The following NLRC5 variants were observed in gnomAD, a reference collection of about 807,000 sequenced individuals.
NLRC5 encodes the protein protein NLRC5.
A neutral mutation model predicts 206.9 loss-of-function variants in NLRC5; 114 were observed. The ratio of observed to expected loss-of-function variants is 0.55; its 90% CI spans 0.47 to 0.64. NLRC5 has a LOEUF of 0.64. Ranked by LOEUF, NLRC5 falls within the 30% of genes least tolerant of loss-of-function variation. NLRC5 has a pLI of 0.00. For missense variants in NLRC5, 2,008 were observed against 2,305.5 expected (o/e 0.87, Z 2.64); for synonymous variants, 952 against 962.8 (o/e 0.99, Z 0.21).
chr16:57,054,346 C>CT (rs2065312140), intron 24 of NLRC5, among the ~76,000 whole-genome samples: 2 of 152,176 alleles, frequency 1.3e-5, no homozygotes, highest in Non-Finnish European at 2.9e-5. Context: ...GCTTCCCACT[C>CT]TCTGTGAGCA....
At chr16:57,059,215 G>A (rs1479986033) in intron 29 of NLRC5, 154 bp downstream of exon 29, 32 of 1,514,714 alleles carry the variant, frequency 2.1e-5, no homozygotes, top group African/African-American at 2.8e-5. Flanking sequence ...GGGTTTCCTG[G>A]GCATGGGATC....
At position 57,026,659 on chromosome 16, in the gene NLRC5, C is replaced by T. The variant is rs758881156; in HGVS notation, c.1716C>T (p.Thr572=). The change falls in exon 6 of 49, where the codon ACC becomes ACT. Residue 572 remains threonine, a synonymous_variant. Coordinates refer to ENST00000688547, the MANE Select transcript of NLRC5 (RefSeq NM_001384950.1). ...TCCTGGCGGGCCTGGCATCCTGCAC[C>T]TGCCGCCCCTTCCTTAGCCACCTGG... is the stretch of plus-strand genomic sequence containing the variant. The part of the protein sequence containing the change: ...PTFLAGLASC[T]CRPFLSHLAQ... The T allele has an allele frequency of 6.2e-7, 1 of 1,614,192 alleles. No individual in the cohort carries two copies. The highest frequency in any genetic ancestry group is 8.5e-7 in the Non-Finnish European group (1 of 1,180,022).
intron 1 of NLRC5, among the ~76,000 whole-genome samples, chr16:56,991,294 GC>G (rs1165451878): frequency 6.6e-6 from 1 of 151,938 alleles, no homozygotes; most frequent in Non-Finnish European, 1.5e-5. Flanking sequence ...GGCCGGGTCA[GC>G]CTCCTCAGAC....
At chr16:57,082,184 T>C (rs144971093) in intron 48 of NLRC5, among the ~76,000 whole-genome samples, 11 of 152,278 alleles carry the variant, frequency 7.2e-5, no homozygotes, top group African/African-American at 2.6e-4. Context: ...GTCATATGAG[T>C]GTGGCCTTAG....
chr16:57,009,061 G>C (rs1360903553), intron 1 of NLRC5, among the ~76,000 whole-genome samples: 1 of 152,174 alleles, frequency 6.6e-6, no homozygotes. Flanking sequence ...GGGAGGCCGA[G>C]GTGGGTGGAT....
chr16:57,041,437 G>C (rs375289357), intron 17 of NLRC5, 48 bp from the exon 18 acceptor site: 30 of 1,540,906 alleles, frequency 1.9e-5, no homozygotes, highest in Non-Finnish European at 2.7e-5. Flanking sequence ...GCTCCTTCCC[G>C]CCTCTGTTCA....
chr16:57,022,346 G>C, intron 4 of NLRC5, 31 bp downstream of exon 4: 1 of 1,593,760 alleles, frequency 6.3e-7, no homozygotes, highest in South Asian at 1.1e-5. Context: ...GTGGGAAGGG[G>C]GTGGTGAGCA....
rs761281905 is a variant in NLRC5, at chr16:57,043,584, G to T, written c.3183G>T (p.Trp1061Cys). Residue 1061 changes from tryptophan (W) to cysteine (C), a missense_variant, in exon 20 of 49, where the codon TGG (tryptophan) becomes TGT (cysteine). Physicochemically the swap from Trp to Cys is radical, Grantham distance 215. Coordinates refer to ENST00000688547, the MANE Select transcript of NLRC5 (RefSeq NM_001384950.1). Reference protein sequence around the residue: ...GLVRCFSTLQWLFRLDISFES... With the variant: ...GLVRCFSTLQCLFRLDISFES... ...TTCGGTGCTTCTCCACTCTGCAGTG[G>T]CTCTTCCGCTTGGACATCAGGTGAG... 3 of 1,613,918 alleles carry T rather than the reference G, an allele frequency of 1.9e-6. No individual in the cohort carries two copies. The African/African-American group carries it at 4.0e-5, about 22-fold the overall frequency.
intron 47 of NLRC5, 75 bp from the exon 48 acceptor site, chr16:57,081,452 G>A (rs2069133071): frequency 2.8e-6 from 4 of 1,405,272 alleles, no homozygotes; most frequent in Non-Finnish European, 4.0e-6. Context: ...GCCTGAGGAA[G>A]GGACCTAGGA....
intron 41 of NLRC5, 26 bp from the exon 42 acceptor site, chr16:57,077,693 A>T (rs748430354): frequency 6.5e-7 from 1 of 1,541,638 alleles, no homozygotes; most frequent in South Asian, 1.2e-5. Context: ...GCATCAGAGG[A>T]CCTGATGGCT....
Position 57,004,809 on chromosome 16 carries a change from C to T in NLRC5, c.-127-12265C>T, listed in dbSNP as rs78618065. Among the ~76,000 whole-genome samples the T allele has an allele frequency of 5.5e-3, 845 of 152,272 alleles. 3 individuals carry two copies. The highest frequency in any genetic ancestry group is 0.013 in the South Asian group (64 of 4,820). ...GAAGGATTCCCAAAGAGCACAGCAG[C>T]GAGGGCAGTTGGAGGGAGGCGTCTG... On this transcript the variant is annotated intron_variant, in intron 1 of 48. Coordinates refer to ENST00000688547, the MANE Select transcript of NLRC5 (RefSeq NM_001384950.1).
At chr16:57,071,120 A>G (rs1333969091) in intron 38 of NLRC5, among the ~76,000 whole-genome samples, 2 of 96,830 alleles carry the variant, frequency 2.1e-5, no homozygotes, top group East Asian at 3.4e-4. Context: ...GGGGTGAGTG[A>G]GTGGTGGGGT....
At chr16:57,040,744 G>T in intron 17 of NLRC5, 26 bp downstream of exon 17, 1 of 1,607,842 alleles carries the variant, frequency 6.2e-7, no homozygotes, top group Non-Finnish European at 8.5e-7. Flanking sequence ...CCAGCCCTGT[G>T]TGTGATTCCA....
chr16:56,998,673 G>T (rs1327436542), intron 1 of NLRC5, among the ~76,000 whole-genome samples: 13 of 152,174 alleles, frequency 8.5e-5, no homozygotes, highest in African/African-American at 3.1e-4. Flanking sequence ...ATCGACCTGT[G>T]GGAAGAAACA....
In NLRC5 at chr16:57,026,289, C is replaced by A. The variant is rs752699384; in HGVS notation, c.1346C>A (p.Pro449His). The A allele has an allele frequency of 2.5e-6, 4 of 1,613,980 alleles. No homozygotes were observed. The highest frequency in any genetic ancestry group is 3.4e-6 in the Non-Finnish European group (4 of 1,180,054). ...CAGATGGTGCTCGCCCTCAGCCCCC[C>A]TGGGCACTTGCCCACCTCGTCCCTA... ...YMQMVLALSPPGHLPTSSLLD... is the reference protein window; with the variant it reads ...YMQMVLALSPHGHLPTSSLLD... The change falls in exon 6 of 49, where the codon CCT becomes CAT. Residue 449 changes from proline (P) to histidine (H), a missense_variant. Transcript: ENST00000688547.
At chr16:57,064,872 TGA>T in intron 32 of NLRC5, among the ~76,000 whole-genome samples, 1 of 152,306 alleles carries the variant, frequency 6.6e-6, no homozygotes, top group Admixed American at 6.5e-5. Flanking sequence ...TGCAGTGATC[TGA>T]GATCATGCCA....
intron 32 of NLRC5, among the ~76,000 whole-genome samples, chr16:57,063,259 C>T (rs1399912351): frequency 6.6e-6 from 1 of 151,768 alleles, no homozygotes; most frequent in Non-Finnish European, 1.5e-5. Flanking sequence ...ATTACAGGCG[C>T]CCGCCACCAC....
chr16:57,081,370 C>A, intron 47 of NLRC5, 157 bp from the exon 48 acceptor site: 1 of 875,924 alleles, frequency 1.1e-6, no homozygotes. Context: ...CCTGCTGCAC[C>A]TGCCACCAGT....
chr16:57,080,277 G>A (rs1386023042), intron 46 of NLRC5, among the ~76,000 whole-genome samples: 3 of 152,158 alleles, frequency 2.0e-5, no homozygotes, highest in African/African-American at 7.2e-5. Flanking sequence ...TCTCAGATCA[G>A]TGGTAATTCA....
Sources: allele counts gnomAD v4.1 joint callset (sites outside exome capture counted in the v4.1 genomes callset), GRCh38; gene constraint gnomAD v4.1.1; transcripts MANE v1.5; gene names NCBI Gene and HGNC (gene_info 2026-07-23, HGNC 2026-07-21).